The following TYR variants were observed in gnomAD, a reference collection of about 807,000 sequenced individuals.
TYR encodes tyrosinase, also known as LB24-AB.
Under a neutral mutation model 51.5 loss-of-function variants are expected in TYR, and 58 were observed. The ratio of observed to expected loss-of-function variants is 1.13; its 90% CI spans 0.91 to 1.40. The LOEUF (loss-of-function observed/expected upper bound fraction) is 1.40. TYR is among the 40% of genes most tolerant of loss of function. TYR has a pLI of 0.00. For synonymous variants in TYR, 263 were observed against 235.2 expected, an observed-to-expected ratio of 1.12 and a Z score of -1.08; for missense variants, 732 against 647.4, an observed-to-expected ratio of 1.13 and a Z score of -1.42.
At chr11:89,236,235 TAC>T (rs35744603) in intron 3 of TYR, among the ~76,000 whole-genome samples, 452 of 148,618 alleles carry the variant, frequency 3.0e-3, no homozygotes, top group African/African-American at 4.4e-3. Flanking sequence ...CACACACACA[TAC>T]ACACACACAC....
At chr11:89,231,481 C>T (rs1944049500) in intron 3 of TYR, among the ~76,000 whole-genome samples, 1 of 142,992 alleles carries the variant, frequency 7.0e-6, no homozygotes, top group Non-Finnish European at 1.5e-5. Context: ...AAAACCCTCT[C>T]ATTTGCAACA....
chr11:89,272,171 C>A (rs1297470200), intron 3 of TYR, among the ~76,000 whole-genome samples: 2 of 151,878 alleles, frequency 1.3e-5, no homozygotes, highest in African/African-American at 4.8e-5. Flanking sequence ...GTTTTCTATT[C>A]ATTTTGCTCA....
intron 1 of TYR, among the ~76,000 whole-genome samples, chr11:89,184,096 T>C (rs1242560720): frequency 6.6e-6 from 1 of 152,120 alleles, no homozygotes; most frequent in East Asian, 1.9e-4. Context: ...TAATTTCTCC[T>C]AGCCTGCCTC....
rs1943998192 is a variant in TYR, at chr11:89,227,936, C to T, written c.1150C>T (p.Pro384Ser). ...MSQVQGSAND[P>S]IFLLHHAFVD... is the part of the protein sequence containing the mutation. Reference sequence around the variant, plus strand: ...CCAGGTACAGGGATCTGCCAACGATCCTATCTTCCTTCTTCACCATGCATT... The same window carrying T: ...CCAGGTACAGGGATCTGCCAACGATTCTATCTTCCTTCTTCACCATGCATT... The change falls in exon 3 of 5, where the codon CCT becomes TCT. Residue 384 changes from proline (P) to serine (S), a missense_variant. Physicochemically the swap from Pro to Ser is moderately conservative, Grantham distance 74. Transcript: ENST00000263321. 5 of 1,613,468 alleles carry T rather than the reference C, an allele frequency of 3.1e-6. No homozygotes were observed. Among genetic ancestry groups the T allele is most frequent in the African/African-American group, 1.3e-5 (1 of 74,958 alleles).
chr11:89,228,072 G>C, intron 3 of TYR, 102 bp downstream of exon 3: 1 of 1,430,550 alleles, frequency 7.0e-7, no homozygotes, highest in Non-Finnish European at 9.7e-7. Flanking sequence ...AGAAGTTATG[G>C]TAGTCTATTG....
intron 2 of TYR, 132 bp from the exon 3 acceptor site, chr11:89,227,691 G>A (rs776790750): frequency 4.1e-5 from 33 of 808,118 alleles, no homozygotes; most frequent in South Asian, 2.6e-4. Flanking sequence ...GTCTCAATAC[G>A]GAATGAATTT....
intron 3 of TYR, among the ~76,000 whole-genome samples, chr11:89,276,407 G>C (rs2135318476): frequency 6.6e-6 from 1 of 151,934 alleles, no homozygotes; most frequent in South Asian, 2.1e-4. Flanking sequence ...AACCTAGATA[G>C]GGAACACTAA....
intron 4 of TYR, among the ~76,000 whole-genome samples, chr11:89,290,646 C>T (rs937970486): frequency 5.9e-5 from 9 of 151,964 alleles, no homozygotes; most frequent in Non-Finnish European, 1.2e-4. Context: ...CACCAACAAC[C>T]TGTCTGTATT....
intron 3 of TYR, among the ~76,000 whole-genome samples, chr11:89,240,794 A>C (rs1259455325): frequency 6.6e-6 from 1 of 152,194 alleles, no homozygotes; most frequent in African/African-American, 2.4e-5. Context: ...ATTTTTAGTT[A>C]CAGCTTAATC....
intron 3 of TYR, among the ~76,000 whole-genome samples, chr11:89,229,595 A>G (rs1444520859): frequency 1.3e-5 from 2 of 152,018 alleles, no homozygotes; most frequent in Non-Finnish European, 2.9e-5. Flanking sequence ...CAAAATATGA[A>G]AGGAAGAGGA....
chr11:89,210,200 G>A (rs528526681), intron 2 of TYR, among the ~76,000 whole-genome samples: 6 of 152,252 alleles, frequency 3.9e-5, no homozygotes, highest in East Asian at 3.9e-4. Flanking sequence ...TAAACCCATC[G>A]CAAGAAAGCT....
chr11:89,254,757 A>T (rs1224658409), intron 3 of TYR, among the ~76,000 whole-genome samples: 1 of 151,644 alleles, frequency 6.6e-6, no homozygotes, highest in African/African-American at 2.4e-5. Context: ...AATTTTATTT[A>T]TCTTTTCAAA....
intron 3 of TYR, among the ~76,000 whole-genome samples, chr11:89,284,274 C>T (rs1053593325): frequency 2.6e-5 from 4 of 151,790 alleles, no homozygotes; most frequent in African/African-American, 9.7e-5. Flanking sequence ...TGGAGGTAAG[C>T]TCTGTCTCCC....
chr11:89,287,991 G>A (rs1295117941), intron 4 of TYR, among the ~76,000 whole-genome samples: 3 of 151,922 alleles, frequency 2.0e-5, no homozygotes, highest in African/African-American at 7.2e-5. Flanking sequence ...TTTCTGGCCT[G>A]TGAAAATGAT....
intron 4 of TYR, among the ~76,000 whole-genome samples, chr11:89,287,355 C>T (rs1183202162): frequency 1.3e-5 from 2 of 151,874 alleles, no homozygotes; most frequent in African/African-American, 4.8e-5. Context: ...TATTTTAAAA[C>T]ACTATAAGTA....
chr11:89,230,573 A>G (rs1009549582), intron 3 of TYR, among the ~76,000 whole-genome samples: 1 of 152,136 alleles, frequency 6.6e-6, no homozygotes, highest in Non-Finnish European at 1.5e-5. Flanking sequence ...CCAAGAAAAC[A>G]ATTAACATGA....
At chr11:89,268,200 G>A (rs1258638261) in intron 3 of TYR, among the ~76,000 whole-genome samples, 1 of 151,898 alleles carries the variant, frequency 6.6e-6, no homozygotes, top group Non-Finnish European at 1.5e-5. Context: ...GTTCCTGTAT[G>A]TGAAGTACTT....
chr11:89,265,725 T>C (rs1944518440), intron 3 of TYR, among the ~76,000 whole-genome samples: 1 of 152,050 alleles, frequency 6.6e-6, no homozygotes, highest in Non-Finnish European at 1.5e-5. Context: ...TTTCTCCATG[T>C]TATCTCCCTT....
rs531980440 is a variant in TYR, at chr11:89,201,945, C to A, written c.1036+10527C>A. On this transcript the variant is annotated intron_variant, in intron 2 of 4. Transcript: ENST00000263321. ...CAAAGAATGTTGATATCTAAAGGCA[C>A]ATTTGCGAAATCCAAAAAGACATGG... Among the ~76,000 whole-genome samples, 4 of 152,170 alleles carry A rather than the reference C, an allele frequency of 2.6e-5. No homozygotes were observed. The East Asian group carries it at 7.7e-4, about 29-fold the overall frequency.
Sources: gnomAD v4.1 joint callset for allele counts (sites outside exome capture counted in the v4.1 genomes callset) on GRCh38, gnomAD v4.1.1 for gene constraint, MANE v1.5 for transcripts, NCBI Gene and HGNC (gene_info 2026-07-23, HGNC 2026-07-21) for gene names.